Variants in PACRG observed in about 807,000 individuals in gnomAD.
PACRG encodes the protein parkin coregulated.
In PACRG, 29 loss-of-function variants were observed where a neutral mutation model predicts 29.7. That is an observed-to-expected ratio of 0.98 (90% CI 0.73 to 1.33). PACRG has a LOEUF of 1.33. PACRG is among the 40% of genes most tolerant of loss of function. The pLI is 0.00. For missense variants in PACRG, 279 were observed against 316.2 expected (o/e 0.88, Z 0.89); for synonymous variants, 116 against 118.7 (o/e 0.98, Z 0.15).
chr6:163,063,664 T>C (rs998102988), intron 3 of PACRG, among the ~76,000 whole-genome samples: 2 of 152,132 alleles, frequency 1.3e-5, no homozygotes, highest in South Asian at 2.1e-4. Context: ...CCTCAGATCT[T>C]TGAGGTCTCC....
intron 1 of PACRG, among the ~76,000 whole-genome samples, chr6:162,731,633 T>G (rs925971772): frequency 9.9e-5 from 15 of 152,110 alleles, no homozygotes; most frequent in African/African-American, 3.1e-4. Context: ...ATGACTGTAT[T>G]CCAAATTTGA....
chr6:163,014,172 CA>C (rs1805870170), intron 2 of PACRG, among the ~76,000 whole-genome samples: 1 of 152,154 alleles, frequency 6.6e-6, no homozygotes, highest in African/African-American at 2.4e-5. Context: ...GATGTTGCTG[CA>C]AAGGACATGA....
intron 2 of PACRG, chr6:163,042,790 G>C (rs1808871648): frequency 6.6e-6 from 1 of 151,834 alleles, no homozygotes; most frequent in East Asian, 1.9e-4. Flanking sequence ...CTACTACACA[G>C]ATAATAATTT....
chr6:162,796,064 T>C (rs935499160), intron 1 of PACRG, among the ~76,000 whole-genome samples: 1 of 152,198 alleles, frequency 6.6e-6, no homozygotes, highest in Non-Finnish European at 1.5e-5. Context: ...TCATTTTTTT[T>C]CTCTTACCTA....
In PACRG at chr6:163,199,393, G is replaced by A. The variant is rs546196981; in HGVS notation, c.613+109985G>A. On this transcript the variant is annotated intron_variant, in intron 4 of 4. Coordinates refer to ENST00000366888, the MANE Select transcript of PACRG (RefSeq NM_001080379.2). ...GGCTCCTCCAGGGTTTGTGTCAGCC[G>A]CTGTTCCAAGTGAAAAGTAGTGCTT... Among the ~76,000 whole-genome samples, 47 of 152,254 alleles carry A rather than the reference G, an allele frequency of 3.1e-4. 2 individuals carry two copies. In the South Asian group the frequency reaches 8.7e-3, roughly 28 times the overall value.
intron 4 of PACRG, among the ~76,000 whole-genome samples, chr6:163,209,060 A>G (rs1781028253): frequency 6.6e-6 from 1 of 152,238 alleles, no homozygotes. Flanking sequence ...GCTGGCACTC[A>G]CATTCATTTA....
chr6:163,163,679 A>G (rs1365315282), intron 4 of PACRG, among the ~76,000 whole-genome samples: 1 of 152,144 alleles, frequency 6.6e-6, no homozygotes, highest in Non-Finnish European at 1.5e-5. Flanking sequence ...GTGTTATTGT[A>G]TTTTATTAAT....
At chr6:163,285,669 C>T (rs560651391) in intron 4 of PACRG, among the ~76,000 whole-genome samples, 14 of 152,290 alleles carry the variant, frequency 9.2e-5, no homozygotes, top group African/African-American at 3.1e-4. Context: ...ATGCACCGTC[C>T]GTGATGGGGA....
intron 4 of PACRG, among the ~76,000 whole-genome samples, chr6:163,272,240 T>C (rs769976582): frequency 1.1e-4 from 16 of 152,162 alleles, no homozygotes; most frequent in Non-Finnish European, 1.8e-4. Flanking sequence ...GGTTTCCCCA[T>C]GTTGGTCAGG....
At chr6:163,027,137 A>G (rs1807207258) in intron 2 of PACRG, among the ~76,000 whole-genome samples, 1 of 152,252 alleles carries the variant, frequency 6.6e-6, no homozygotes, top group Non-Finnish European at 1.5e-5. Flanking sequence ...GAAAATGCAC[A>G]TAATTATAGG....
At chr6:163,186,468 T>G (rs1035472877) in intron 4 of PACRG, among the ~76,000 whole-genome samples, 8 of 152,014 alleles carry the variant, frequency 5.3e-5, no homozygotes, top group Non-Finnish European at 7.4e-5. Context: ...CATTCTAAAC[T>G]TGCCACCTCT....
chr6:163,107,017 C>A (rs1815419699), intron 4 of PACRG, among the ~76,000 whole-genome samples: 1 of 152,046 alleles, frequency 6.6e-6, no homozygotes, highest in Non-Finnish European at 1.5e-5. Flanking sequence ...AGAAGAAAGT[C>A]ATTCTGTCTA....
At chr6:163,302,336 C>T (rs1785037628) in intron 4 of PACRG, among the ~76,000 whole-genome samples, 1 of 151,496 alleles carries the variant, frequency 6.6e-6, no homozygotes. Flanking sequence ...ATCAGGCAAG[C>T]TCAAGCATTT....
chr6:163,208,023 C>A (rs914043819), intron 4 of PACRG, among the ~76,000 whole-genome samples: 4 of 152,270 alleles, frequency 2.6e-5, no homozygotes, highest in Admixed American at 1.3e-4. Flanking sequence ...CTGTTTGGGG[C>A]CACAGACGGT....
chr6:162,779,545 T>C lies in PACRG; in HGVS notation c.157-34602T>C, dbSNP rs978762800. On this transcript the variant is annotated intron_variant, in intron 1 of 4. Coordinates refer to ENST00000366888, the MANE Select transcript of PACRG (RefSeq NM_001080379.2). ...TTACTCCTCTGAGGCTTCCCTGGTT[T>C]GTGGCAAACAAACATTGTAACAGCT... Among the ~76,000 whole-genome samples the C allele has an allele frequency of 1.1e-4, 17 of 152,336 alleles. No homozygotes were observed. The East Asian group carries it at 3.3e-3, about 29-fold the overall frequency.
At chr6:163,274,823 C>T (rs1287816095) in intron 4 of PACRG, among the ~76,000 whole-genome samples, 2 of 149,312 alleles carry the variant, frequency 1.3e-5, no homozygotes, top group Non-Finnish European at 1.5e-5. Context: ...ACCTTTGCTT[C>T]TGTTAAATGT....
chr6:163,086,798 A>G (rs1813601307), intron 3 of PACRG, among the ~76,000 whole-genome samples: 3 of 152,102 alleles, frequency 2.0e-5, no homozygotes, highest in Admixed American at 2.0e-4. Flanking sequence ...GTTTGAACTA[A>G]ACCAAATCCT....
At chr6:162,830,975 A>G (rs552163851) in intron 2 of PACRG, among the ~76,000 whole-genome samples, 4 of 152,196 alleles carry the variant, frequency 2.6e-5, no homozygotes, top group Admixed American at 1.3e-4. Context: ...ATTAGTTCCA[A>G]TAATATCTTC....
At chr6:162,924,567 C>T (rs1328092333) in intron 2 of PACRG, among the ~76,000 whole-genome samples, 1 of 152,026 alleles carries the variant, frequency 6.6e-6, no homozygotes, top group Admixed American at 6.6e-5. Context: ...TCCTACTATA[C>T]CCCATTTGTT....
Sources: gnomAD v4.1 joint callset for allele counts (sites outside exome capture counted in the v4.1 genomes callset) on GRCh38, gnomAD v4.1.1 for gene constraint, MANE v1.5 for transcripts, NCBI Gene and HGNC (gene_info 2026-07-23, HGNC 2026-07-21) for gene names.